CACHD1: variants seen among roughly 807,000 people sequenced by gnomAD.
CACHD1 encodes VWFA and cache domain-containing protein 1.
CACHD1 carries 71 observed loss-of-function variants against 138.7 expected under a neutral mutation model. The ratio of observed to expected loss-of-function variants is 0.51; its 90% confidence interval spans 0.42 to 0.62. The LOEUF is 0.62. Among genes scored for constraint, CACHD1 ranks in the 20% least tolerant of loss-of-function variants. The probability of loss-of-function intolerance (pLI) is 0.00; values close to 1 mark genes in which losing one functional copy is unlikely to be tolerated. For synonymous variants in CACHD1, 578 were observed against 591.5 expected (o/e 0.98, Z 0.33); for missense variants, 1,389 against 1,625.3 (o/e 0.85, Z 2.50).
chr1:64,620,879 A>G (rs1193959450), intron 4 of CACHD1, among the ~76,000 whole-genome samples: 4 of 152,166 alleles, frequency 2.6e-5, no homozygotes, highest in Non-Finnish European at 5.9e-5. Flanking sequence ...ATGGAACAGA[A>G]ACTATTAAGA....
intron 5 of CACHD1, among the ~76,000 whole-genome samples, chr1:64,631,217 A>G (rs555644152): frequency 6.6e-6 from 1 of 152,386 alleles, no homozygotes; most frequent in Admixed American, 6.5e-5. Context: ...TTAACAAAGG[A>G]AGTGTGTCAT....
chr1:64,579,047 C>T (rs543195420), intron 2 of CACHD1, among the ~76,000 whole-genome samples: 4 of 152,210 alleles, frequency 2.6e-5, no homozygotes, highest in East Asian at 3.9e-4. Flanking sequence ...AAATTAGGGC[C>T]GCTGGCTTCT....
rs1361289052 is a variant in CACHD1 at position 64,480,354 on chromosome 1, TA to T, written c.198+9413del. On this transcript the variant is annotated intron_variant, in intron 1 of 26. Transcript: ENST00000651257. ...TCTTGTTTTTTGACCCTTTTCGTGA[TA>T]TTATACTGTGGGGGCCCCTTTTTTT... is the stretch of plus-strand genomic sequence containing the variant. 2.6e-5 allele frequency among the ~76,000 whole-genome samples: 4 copies of T among 152,180 alleles called. No homozygotes were observed. In the East Asian group the frequency reaches 7.7e-4, roughly 29 times the overall value.
In CACHD1 at chr1:64,652,212, G is replaced by A. The variant is rs758277451; in HGVS notation, c.1442G>A (p.Gly481Glu). 1.2e-6 allele frequency: 2 copies of A among 1,613,276 alleles called. No individual in the cohort carries two copies. Among genetic ancestry groups the A allele is most frequent in the Non-Finnish European group, 8.5e-7 (1 of 1,179,492 alleles). The change falls in exon 10 of 27, where the codon GGA becomes GAA. Residue 481 changes from glycine to glutamate, a missense_variant. Physicochemically the swap from Gly to Glu is moderately conservative, Grantham distance 98. Transcript: ENST00000651257. The part of the protein sequence containing the change: ...KPCYFGNLLL[G>E]IVGVDVNLAY... ...TGTTATTTTGGAAACCTACTTCTGG[G>A]AATTGTAGGTGTGGACGTGAATCTG...
rs150865040 is a variant in CACHD1, at chr1:64,543,481, C to T, written c.199-7113C>T. Among the ~76,000 whole-genome samples, 83 of 149,878 alleles carry T rather than the reference C, an allele frequency of 5.5e-4. 1 individual carries two copies. Among genetic ancestry groups the T allele is most frequent in the African/African-American group, 1.9e-3 (77 of 40,550 alleles). Reference sequence around the variant, plus strand: ...GTCCTAGCTACTTGGGAGGCTGAGGCGAGAGGATCACTTGAGCCCAGGAAT... The same window carrying T: ...GTCCTAGCTACTTGGGAGGCTGAGGTGAGAGGATCACTTGAGCCCAGGAAT... On this transcript the variant is annotated intron_variant, in intron 1 of 26. Coordinates refer to ENST00000651257, the MANE Select transcript of CACHD1 (RefSeq NM_020925.4).
chr1:64,601,761 C>T (rs1482313517), intron 3 of CACHD1, among the ~76,000 whole-genome samples: 1 of 152,156 alleles, frequency 6.6e-6, no homozygotes, highest in Non-Finnish European at 1.5e-5. Context: ...AGCTTTATAG[C>T]TTCTCTATTT....
At chr1:64,575,102 CTA>C (rs1646956994) in intron 2 of CACHD1, among the ~76,000 whole-genome samples, 1 of 152,226 alleles carries the variant, frequency 6.6e-6, no homozygotes, top group South Asian at 2.1e-4. Context: ...AGACTGTCCA[CTA>C]TGATAGTAAG....
In CACHD1 at chr1:64,684,650, A is replaced by G. The variant is rs114562879; in HGVS notation, c.3586+2544A>G. Among the ~76,000 whole-genome samples the G allele has an allele frequency of 5.1e-3, 771 of 152,208 alleles. 8 individuals carry two copies. The highest frequency in any genetic ancestry group is 0.017 in the African/African-American group (720 of 41,536). ...AGTTTAATAAATTTAGAGTAGCCTA[A>G]ATATATAGTGTTTATAAAGTCTACA... On this transcript the variant is annotated intron_variant, in intron 26 of 26. Coordinates refer to ENST00000651257, the MANE Select transcript of CACHD1 (RefSeq NM_020925.4).
intron 5 of CACHD1, among the ~76,000 whole-genome samples, chr1:64,629,962 T>C (rs985462881): frequency 1.3e-5 from 2 of 152,284 alleles, no homozygotes; most frequent in East Asian, 3.9e-4. Context: ...AAGCATTGGA[T>C]TAAAAATTAC....
At chr1:64,671,864 CA>C (rs1649828491) in intron 17 of CACHD1, among the ~76,000 whole-genome samples, 178 bp downstream of exon 17, 1 of 152,012 alleles carries the variant, frequency 6.6e-6, no homozygotes, top group African/African-American at 2.4e-5. Context: ...TTCTGAGATG[CA>C]TACTGTTTAT....
chr1:64,538,032 TGTTA>T (rs1248880763), intron 1 of CACHD1, among the ~76,000 whole-genome samples: 2 of 152,212 alleles, frequency 1.3e-5, no homozygotes, highest in Non-Finnish European at 2.9e-5. Flanking sequence ...TCAGTCAAGA[TGTTA>T]GTTAATAATT....
At chr1:64,575,983 G>A (rs897548453) in intron 2 of CACHD1, among the ~76,000 whole-genome samples, 1 of 152,210 alleles carries the variant, frequency 6.6e-6, no homozygotes, top group Admixed American at 6.5e-5. Context: ...ATGTTGTGAT[G>A]AAACGTTGTC....
At chr1:64,681,620 T>C (rs1268434574) in intron 25 of CACHD1, among the ~76,000 whole-genome samples, 3 of 150,272 alleles carry the variant, frequency 2.0e-5, no homozygotes, top group Admixed American at 6.6e-5. Context: ...CTCTTGCTCA[T>C]TATTTTCCAA....
At chr1:64,551,514 A>C (rs1415555478) in intron 2 of CACHD1, among the ~76,000 whole-genome samples, 1 of 152,220 alleles carries the variant, frequency 6.6e-6, no homozygotes, top group South Asian at 2.1e-4. Flanking sequence ...AGTAAAAAAC[A>C]GAACCAAGCT....
chr1:64,567,062 G>A (rs7550345), intron 2 of CACHD1, among the ~76,000 whole-genome samples: 92,119 of 151,840 alleles, frequency 0.61, 30,476 homozygotes, highest in Non-Finnish European at 0.72. Context: ...GTAGTGCTCT[G>A]TAGATACTGG....
chr1:64,494,173 A>G (rs1044311814), intron 1 of CACHD1, among the ~76,000 whole-genome samples: 5 of 152,212 alleles, frequency 3.3e-5, no homozygotes, highest in Non-Finnish European at 7.3e-5. Context: ...CACTTCTCTG[A>G]GCCCTAGTGA....
intron 16 of CACHD1, among the ~76,000 whole-genome samples, chr1:64,668,391 G>A (rs1344578819): frequency 1.3e-5 from 2 of 151,600 alleles, no homozygotes; most frequent in Non-Finnish European, 1.5e-5. Flanking sequence ...AGTGGCACAT[G>A]CCTATAATCC....
At chr1:64,649,770 C>T (rs1649028649) in intron 9 of CACHD1, among the ~76,000 whole-genome samples, 1 of 152,194 alleles carries the variant, frequency 6.6e-6, no homozygotes, top group Non-Finnish European at 1.5e-5. Flanking sequence ...ACATGTAGAA[C>T]TTTGGCCACC....
intron 3 of CACHD1, among the ~76,000 whole-genome samples, chr1:64,602,267 A>G (rs1420688302): frequency 1.3e-5 from 2 of 152,144 alleles, no homozygotes; most frequent in Non-Finnish European, 2.9e-5. Flanking sequence ...AAGTTTTATT[A>G]TCTTTTTCAG....
Sources: gnomAD v4.1 joint callset for allele counts (sites outside exome capture counted in the v4.1 genomes callset) on GRCh38, gnomAD v4.1.1 for gene constraint, MANE v1.5 for transcripts, NCBI Gene and HGNC (gene_info 2026-07-23, HGNC 2026-07-21) for gene names.